Variants in CCM2 observed in about 807,000 individuals in gnomAD.
CCM2 encodes the protein CCM2 scaffold protein.
Under a neutral mutation model 44.9 loss-of-function variants are expected in CCM2, and 25 were observed. The observed-to-expected ratio is 0.56, with a 90% CI of 0.41 to 0.78. The LOEUF is 0.78. CCM2 is among the 30% of genes least tolerant of loss of function. The pLI, the probability that CCM2 is intolerant of heterozygous loss-of-function variation, is 0.00. For missense variants in CCM2, 481 were observed against 580.6 expected, an observed-to-expected ratio of 0.83 and a Z score of 1.76; for synonymous variants, 219 against 241.1, an observed-to-expected ratio of 0.91 and a Z score of 0.85.
intron 2 of CCM2, among the ~76,000 whole-genome samples, chr7:45,058,238 TAA>T (rs1207955568): frequency 1.3e-5 from 2 of 152,228 alleles, no homozygotes; most frequent in Non-Finnish European, 2.9e-5. Context: ...ATCATAGTGA[TAA>T]GAGGGGACAT....
At chr7:45,054,983 C>T (rs1433150721) in intron 2 of CCM2, among the ~76,000 whole-genome samples, 1 of 152,100 alleles carries the variant, frequency 6.6e-6, no homozygotes, top group Non-Finnish European at 1.5e-5. Flanking sequence ...AGTTGTTTTC[C>T]TACTATAAAT....
At chr7:45,058,324 G>GTTTT (rs541756369) in intron 2 of CCM2, among the ~76,000 whole-genome samples, 97 of 151,482 alleles carry the variant, frequency 6.4e-4, no homozygotes, top group African/African-American at 2.1e-3. Context: ...GCTTTAGGGT[G>GTTTT]TTTTTTTTTA....
intron 3 of CCM2, 127 bp from the exon 4 acceptor site, chr7:45,064,336 A>G: frequency 1.1e-6 from 1 of 924,098 alleles, no homozygotes; most frequent in Non-Finnish European, 1.7e-6. Flanking sequence ...GAGGGGAATA[A>G]CACTGACCTT....
intron 6 of CCM2, chr7:45,071,487 C>G: frequency 7.1e-6 from 2 of 280,286 alleles, no homozygotes; most frequent in South Asian, 3.2e-5. Flanking sequence ...CATGCATTCT[C>G]TGCTTATTTC....
At position 45,074,364 on chromosome 7, in the gene CCM2, A is replaced by G. The variant is rs2128752783; in HGVS notation, c.1010A>G (p.Asn337Ser). 1 of 1,613,674 alleles carries G rather than the reference A, an allele frequency of 6.2e-7. No individual in the cohort carries two copies. Residue 337 changes from asparagine to serine, a missense_variant, in exon 9 of 10, where the codon AAC (asparagine) becomes AGC (serine). Coordinates refer to ENST00000258781, the MANE Select transcript of CCM2 (RefSeq NM_031443.4). ...GCCTCTATCCACGAGTTCTGCATCA[A>G]CCTGCGGCAGCTCTACGGGGACAGC... ...NGASIHEFCINLRQLYGDSRK... is the reference protein window; with the variant it reads ...NGASIHEFCISLRQLYGDSRK...
chr7:45,061,784 C>T (rs1039239431), intron 2 of CCM2, among the ~76,000 whole-genome samples: 10 of 152,150 alleles, frequency 6.6e-5, no homozygotes, highest in African/African-American at 2.2e-4. Flanking sequence ...CACACCTGGC[C>T]TGGTTATACT....
intron 2 of CCM2, among the ~76,000 whole-genome samples, chr7:45,044,598 A>G (rs1393544744): frequency 6.6e-6 from 1 of 152,172 alleles, no homozygotes; most frequent in East Asian, 1.9e-4. Context: ...GGTCCTCAAG[A>G]TTTAGCCCAA....
chr7:45,027,565 C>T (rs761295730), intron 1 of CCM2: 84 of 1,532,292 alleles, frequency 5.5e-5, no homozygotes, highest in Admixed American at 1.6e-4. Context: ...GCTTTTTAAA[C>T]TTTTAAAAAA....
intron 1 of CCM2, among the ~76,000 whole-genome samples, chr7:45,016,786 C>T (rs1486923905): frequency 6.6e-6 from 1 of 152,214 alleles, no homozygotes; most frequent in African/African-American, 2.4e-5. Context: ...GCGCCTACCA[C>T]CACGCCTGGC....
Position 45,062,784 on chromosome 7 carries a change from G to A in CCM2, c.205-1134G>A, listed in dbSNP as rs948215417. Among the ~76,000 whole-genome samples, 120 of 149,304 alleles carry A rather than the reference G, an allele frequency of 8.0e-4. 1 individual carries two copies. The highest frequency in any genetic ancestry group is 1.3e-3 in the Non-Finnish European group (86 of 67,726). ...AGAGGTTGCAGTGAGCCAAGATCACGCCTCTGCACCCCAGCCTGTGTGATA... is the reference window on the plus strand; with the variant it reads ...AGAGGTTGCAGTGAGCCAAGATCACACCTCTGCACCCCAGCCTGTGTGATA... On this transcript the variant is annotated intron_variant, in intron 2 of 9. Transcript: ENST00000258781.
rs1353009922 is a variant in CCM2, at chr7:45,064,540, G to C, written c.366G>C (p.Leu122=). The C allele has an allele frequency of 3.1e-6, 5 of 1,613,922 alleles. No individual in the cohort carries two copies. Among genetic ancestry groups the C allele is most frequent in the Non-Finnish European group, 3.4e-6 (4 of 1,180,020 alleles). The stretch of plus-strand genomic sequence containing the variant: ...GCCTGTCTGCGTACAACGTCAAGCT[G>C]GCCTGGAGGGACGGGGAGGATATCA... ...VLSLSAYNVK[L]AWRDGEDIIL... The change falls in exon 4 of 10, where the codon CTG becomes CTC. Residue 122 remains leucine (L), a synonymous_variant. Transcript: ENST00000258781.
chr7:45,064,996 G>A (rs1339227917), intron 4 of CCM2, among the ~76,000 whole-genome samples: 2 of 152,154 alleles, frequency 1.3e-5, no homozygotes, highest in Non-Finnish European at 2.9e-5. Flanking sequence ...GAGTGCAGTG[G>A]ATAGGGACCT....
chr7:45,073,114 C>G, intron 7 of CCM2: 1 of 578,924 alleles, frequency 1.7e-6, no homozygotes, highest in South Asian at 2.0e-5. Flanking sequence ...TCTGCCACCA[C>G]CTGGGGCTCT....
At chr7:45,037,189 G>A (rs1412649207) in intron 1 of CCM2, among the ~76,000 whole-genome samples, 3 of 151,194 alleles carry the variant, frequency 2.0e-5, no homozygotes, top group African/African-American at 7.3e-5. Flanking sequence ...GTCAAAGGTG[G>A]TGATGAAAAG....
At chr7:45,046,936 A>G (rs1797784603) in intron 2 of CCM2, among the ~76,000 whole-genome samples, 1 of 152,246 alleles carries the variant, frequency 6.6e-6, no homozygotes. Flanking sequence ...ACTTCAATGA[A>G]GAGGATATAC....
intron 6 of CCM2, 60 bp downstream of exon 6, chr7:45,070,021 GC>G: frequency 1.9e-6 from 3 of 1,597,806 alleles, no homozygotes; most frequent in Non-Finnish European, 1.7e-6. Context: ...TACTGCAGTG[GC>G]CCCCAGCTCC....
At chr7:45,072,584 C>T (rs551354674) in intron 6 of CCM2, 142 bp from the exon 7 acceptor site, 570 of 720,154 alleles carry the variant, frequency 7.9e-4, no homozygotes, top group African/African-American at 1.1e-3. Context: ...TTCCAGAGTG[C>T]GGGCAGCTTG....
At chr7:45,000,195 C>T (rs1470183391), upstream of CCM2, 7 of 267,328 alleles carry the variant, frequency 2.6e-5, no homozygotes, top group East Asian at 1.8e-3. Context: ...GGGGCGCGGC[C>T]GGGGCGGAGA....
intron 4 of CCM2, chr7:45,067,736 T>C (rs1174222746): frequency 6.5e-6 from 1 of 153,840 alleles, no homozygotes; most frequent in Admixed American, 6.4e-5. Context: ...AGCCCTTGTC[T>C]CTGTGCATGC....
Sources: allele counts gnomAD v4.1 joint callset (sites outside exome capture counted in the v4.1 genomes callset), GRCh38; gene constraint gnomAD v4.1.1; transcripts MANE v1.5; gene names NCBI Gene and HGNC (gene_info 2026-07-23, HGNC 2026-07-21).